DHX30: variants seen among roughly 807,000 people sequenced by gnomAD.
DHX30 encodes DExH-box helicase 30, also known as ATP-dependent RNA helicase DHX30.
Under a neutral mutation model 116.9 loss-of-function variants are expected in DHX30, and 4 were observed. The ratio of observed to expected loss-of-function variants is 0.03; its 90% CI spans 0.02 to 0.08. DHX30 has a LOEUF of 0.08. Ranked by LOEUF, DHX30 falls within the 10% of genes least tolerant of loss-of-function variation. The pLI is 1.00. For missense variants in DHX30, 871 were observed against 1,595.1 expected, an observed-to-expected ratio of 0.55 and a Z score of 7.73; for synonymous variants, 697 against 651.7, an observed-to-expected ratio of 1.07 and a Z score of -1.06.
At position 47,848,902 on chromosome 3, in the gene DHX30, C is replaced by T. The variant is rs1559725170; in HGVS notation, c.2770-18C>T. 1.9e-6 allele frequency: 3 copies of T among 1,596,704 alleles called. No individual in the cohort carries two copies. Among genetic ancestry groups the T allele is most frequent in the Non-Finnish European group, 2.6e-6 (3 of 1,167,920 alleles). On this transcript the variant is annotated intron_variant, in intron 17 of 21. Coordinates refer to ENST00000445061, the MANE Select transcript of DHX30 (RefSeq NM_138615.3). This position sits in a 1 kb window ranked among gnomAD's most constrained non-coding sequence, Gnocchi z 9.4. Reference sequence around the variant, plus strand: ...TAGCCCCTGCCTGTGATCCGGCTGCCCTCTTCTCCCCTCCCAGGTGAAAGC... The same window carrying T: ...TAGCCCCTGCCTGTGATCCGGCTGCTCTCTTCTCCCCTCCCAGGTGAAAGC...
chr3:47,841,974 C>T (rs1310783905), intron 8 of DHX30: 3 of 553,830 alleles, frequency 5.4e-6, no homozygotes, highest in Non-Finnish European at 9.7e-6. Flanking sequence ...CATACCTCTT[C>T]TGGGCGGTGG....
chr3:47,842,964 A>C, intron 8 of DHX30, 142 bp from the exon 9 acceptor site: 1 of 1,043,240 alleles, frequency 9.6e-7, no homozygotes, highest in South Asian at 1.5e-5. Context: ...GCTATGCAGC[A>C]GCACCTCTAG....
chr3:47,845,511 A>T (rs894407253), intron 9 of DHX30, 189 bp from the exon 10 acceptor site: 1 of 639,162 alleles, frequency 1.6e-6, no homozygotes, highest in South Asian at 5.2e-5. Context: ...TTCATTTTTT[A>T]AAACGTTTAT....
intron 6 of DHX30, among the ~76,000 whole-genome samples, chr3:47,833,663 G>A (rs2036971316): frequency 6.6e-6 from 1 of 151,098 alleles, no homozygotes; most frequent in Non-Finnish European, 1.5e-5. Flanking sequence ...TTCGAGACCA[G>A]CTTGGCCAAC....
At chr3:47,834,613 G>A (rs2037020678) in intron 6 of DHX30, among the ~76,000 whole-genome samples, 1 of 151,980 alleles carries the variant, frequency 6.6e-6, no homozygotes, top group African/African-American at 2.4e-5. Flanking sequence ...GAGACTGCAG[G>A]TGTGCGCCAC....
intron 3 of DHX30, chr3:47,817,036 A>G: frequency 1.2e-6 from 1 of 805,614 alleles, no homozygotes; most frequent in Non-Finnish European, 1.5e-6. Flanking sequence ...TTTTACTGAT[A>G]TCTTTCTCCT....
intron 6 of DHX30, among the ~76,000 whole-genome samples, 185 bp downstream of exon 6, chr3:47,829,319 T>A (rs1267795197): frequency 2.0e-3 from 280 of 138,386 alleles, no homozygotes; most frequent in Non-Finnish European, 2.5e-3. Flanking sequence ...TATATATTTT[T>A]TTTTTTTTTT....
At chr3:47,839,369 A>G (rs906076183) in intron 6 of DHX30, among the ~76,000 whole-genome samples, 2 of 140,034 alleles carry the variant, frequency 1.4e-5, no homozygotes, top group Non-Finnish European at 3.0e-5. Flanking sequence ...ATCTCAGCTC[A>G]CCGCAACCTC....
chr3:47,829,287 GATATATATATATATATAT>G (rs1189388149), intron 6 of DHX30, among the ~76,000 whole-genome samples, 153 bp downstream of exon 6: 1 of 35,848 alleles, frequency 2.8e-5, no homozygotes, highest in African/African-American at 1.5e-4. Flanking sequence ...CAGCCAATGA[GATATATATATATATATAT>G]ATATATATAT....
chr3:47,825,018 C>T, intron 4 of DHX30: 2 of 638,898 alleles, frequency 3.1e-6, no homozygotes, highest in South Asian at 1.7e-5. Flanking sequence ...CGCGCACAGG[C>T]CTCGGGGTCG....
At position 47,845,796 on chromosome 3, in the gene DHX30, T is replaced by G; in HGVS notation, c.1036T>G (p.Cys346Gly). The G allele has an allele frequency of 1.2e-6, 2 of 1,611,732 alleles. No individual in the cohort carries two copies. Among genetic ancestry groups the G allele is most frequent in the Non-Finnish European group, 1.7e-6 (2 of 1,177,976 alleles). ...GCTGGGTGAGACCCAGCGCCGACCATGCACCATCCAGGTGCCCGAGCCCAT... is the reference window on the plus strand; with the variant it reads ...GCTGGGTGAGACCCAGCGCCGACCAGGCACCATCCAGGTGCCCGAGCCCAT... ...RELGETQRRP[C>G]TIQVPEPILR... The change falls in exon 10 of 22, where the codon TGC becomes GGC. Residue 346 changes from cysteine to glycine, a missense_variant. By Grantham distance (159) the Cys-to-Gly change is radical (BLOSUM62 -3). Coordinates refer to ENST00000445061, the MANE Select transcript of DHX30 (RefSeq NM_138615.3).
chr3:47,831,870 A>G (rs2036867637), intron 6 of DHX30, among the ~76,000 whole-genome samples: 1 of 142,504 alleles, frequency 7.0e-6, no homozygotes, highest in South Asian at 2.2e-4. Context: ...CACTCTAAAT[A>G]CTTTTCCTTG....
At chr3:47,827,129 G>T (rs2036587088) in intron 4 of DHX30, among the ~76,000 whole-genome samples, 1 of 152,042 alleles carries the variant, frequency 6.6e-6, no homozygotes, top group Non-Finnish European at 1.5e-5. Flanking sequence ...GTGGGTCATT[G>T]GCCCTTCTTC....
intron 4 of DHX30, among the ~76,000 whole-genome samples, chr3:47,821,851 G>A (rs1015056138): frequency 6.6e-6 from 1 of 151,498 alleles, no homozygotes; most frequent in Admixed American, 6.6e-5. Context: ...CACCCTCCTC[G>A]GCCTCCCAAA....
intron 3 of DHX30, among the ~76,000 whole-genome samples, chr3:47,817,620 C>T (rs984465243): frequency 6.6e-6 from 1 of 152,160 alleles, no homozygotes; most frequent in African/African-American, 2.4e-5. Context: ...GAACGCATAG[C>T]AAAGGCGTAG....
At chr3:47,826,717 G>T (rs1218547379) in intron 4 of DHX30, among the ~76,000 whole-genome samples, 1 of 152,192 alleles carries the variant, frequency 6.6e-6, no homozygotes, top group Non-Finnish European at 1.5e-5. Context: ...CTCCCAAAGT[G>T]CTGGGATTAC....
chr3:47,848,446 G>A lies in DHX30; in HGVS notation c.2494-23G>A, dbSNP rs754340125. 1 of 1,614,118 alleles carries A rather than the reference G, an allele frequency of 6.2e-7. No individual in the cohort carries two copies. The highest frequency in any genetic ancestry group is 8.5e-7 in the Non-Finnish European group (1 of 1,180,016). On this transcript the variant is annotated intron_variant, in intron 15 of 21. Coordinates refer to ENST00000445061, the MANE Select transcript of DHX30 (RefSeq NM_138615.3). This position sits in a 1 kb window ranked among gnomAD's most constrained non-coding sequence, Gnocchi z 9.4. ...CCAGGCAGGTGGGAGGCAGGCTCATGGCGGGCTCTGGCTCTGTCATAGGCG... is the reference window on the plus strand; with the variant it reads ...CCAGGCAGGTGGGAGGCAGGCTCATAGCGGGCTCTGGCTCTGTCATAGGCG...
chr3:47,832,544 G>A (rs1360727371), intron 6 of DHX30, among the ~76,000 whole-genome samples: 6 of 151,598 alleles, frequency 4.0e-5, no homozygotes, highest in Non-Finnish European at 5.9e-5. Context: ...TTAATGTCTC[G>A]AAAATATCCA....
At position 47,811,808 on chromosome 3, in the gene DHX30, A is replaced by AATCCCAGC. The variant is rs200867654; in HGVS notation, c.28+1099_28+1106dup. On this transcript the variant is annotated intron_variant, in intron 3 of 21. Transcript: ENST00000445061. ...GCTGGGCATGATGGCTCACGCCTGT[A>AATCCCAGC]ATCCCAGCACTTTGGGAGGCCAAGG... 9.6e-3 allele frequency among the ~76,000 whole-genome samples: 1,455 copies of AATCCCAGC among 152,234 alleles called. 27 individuals carry two copies. Among genetic ancestry groups the AATCCCAGC allele is most frequent in the African/African-American group, 0.033 (1,382 of 41,540 alleles).
Sources: allele counts gnomAD v4.1 joint callset (sites outside exome capture counted in the v4.1 genomes callset), GRCh38; gene constraint gnomAD v4.1.1; non-coding constraint Gnocchi (gnomAD v3.1); transcripts MANE v1.5; gene names NCBI Gene and HGNC (gene_info 2026-07-23, HGNC 2026-07-21).